Variants in COL19A1 observed in about 807,000 individuals in gnomAD.
COL19A1 encodes the protein collagen alpha-1(XIX) chain.
COL19A1 carries 159 observed loss-of-function variants against 190.2 expected under a neutral mutation model. The ratio of observed to expected loss-of-function variants is 0.84; its 90% CI spans 0.73 to 0.95. The LOEUF is 0.95. Ranked by LOEUF, COL19A1 falls within the 40% of genes least tolerant of loss-of-function variation. The pLI, the probability that COL19A1 is intolerant of heterozygous loss-of-function variation, is 0.00. For synonymous variants in COL19A1, 509 were observed against 458.9 expected, an observed-to-expected ratio of 1.11 and a Z score of -1.39; for missense variants, 1,418 against 1,431.9, an observed-to-expected ratio of 0.99 and a Z score of 0.16.
At chr6:70,090,762 C>T (rs1782872949) in intron 15 of COL19A1, among the ~76,000 whole-genome samples, 1 of 152,130 alleles carries the variant, frequency 6.6e-6, no homozygotes, top group Non-Finnish European at 1.5e-5. Context: ...CTCCTAACGG[C>T]TTCACATCAC....
At chr6:69,985,389 C>A (rs946486669) in intron 11 of COL19A1, among the ~76,000 whole-genome samples, 4 of 152,066 alleles carry the variant, frequency 2.6e-5, no homozygotes, top group African/African-American at 7.2e-5. Context: ...ATCCAGAGGT[C>A]TATGGTCCAG....
chr6:70,175,167 T>A (rs1038130332), intron 41 of COL19A1, among the ~76,000 whole-genome samples: 1 of 152,222 alleles, frequency 6.6e-6, no homozygotes, highest in East Asian at 1.9e-4. Context: ...GTTATTTTTT[T>A]CTTTTTGATG....
intron 48 of COL19A1, among the ~76,000 whole-genome samples, chr6:70,199,159 G>A (rs1767393087): frequency 6.6e-6 from 1 of 152,248 alleles, no homozygotes; most frequent in South Asian, 2.1e-4. Flanking sequence ...TCAAAACTAG[G>A]AGAATTAAAC....
intron 15 of COL19A1, among the ~76,000 whole-genome samples, chr6:70,071,754 G>T (rs1781570288): frequency 6.6e-6 from 1 of 152,010 alleles, no homozygotes; most frequent in Non-Finnish European, 1.5e-5. Context: ...TTGGGGGTTG[G>T]GGGCCTTCCT....
chr6:70,211,252 A>G lies in COL19A1; in HGVS notation c.*3978A>G, dbSNP rs622566. On this transcript the variant is annotated 3_prime_UTR_variant, in exon 51 of 51. Transcript: ENST00000620364. ...TTTTTTAAGTACCGTTTTTATTTTC[A>G]TAACACTAATAATACACTGGGATTG... is the stretch of plus-strand genomic sequence containing the variant. 0.33 allele frequency among the ~76,000 whole-genome samples: 50,184 copies of G among 151,908 alleles called. 8,510 individuals are homozygous for G. Among genetic ancestry groups the G allele is most frequent in the East Asian group, 0.43 (2,223 of 5,168 alleles).
chr6:70,077,926 G>A (rs535222614), intron 15 of COL19A1, among the ~76,000 whole-genome samples: 8 of 152,234 alleles, frequency 5.3e-5, no homozygotes, highest in African/African-American at 1.9e-4. Flanking sequence ...TACACCTTTT[G>A]TTCTGCCATA....
chr6:70,064,988 C>G (rs576808908), intron 14 of COL19A1, among the ~76,000 whole-genome samples: 1 of 152,182 alleles, frequency 6.6e-6, no homozygotes, highest in Non-Finnish European at 1.5e-5. Flanking sequence ...ACATTCAATG[C>G]TCATGGAGAG....
chr6:70,207,268 G>A lies in COL19A1; in HGVS notation c.3423G>A (p.Gly1141=). Residue 1141 remains glycine, a synonymous_variant, in exon 51 of 51, where the codon GGG becomes GGA. Coordinates refer to ENST00000620364, the MANE Select transcript of COL19A1 (RefSeq NM_001858.6). ...CTCATGCCCATCAGCGCACAGGTGG[G>A]AATTGAACACACCTGAAGAAGACTT... ...PVSHAHQRTG[G]N 1 of 1,612,120 alleles carries A rather than the reference G, an allele frequency of 6.2e-7. No homozygotes were observed.
At chr6:69,884,970 C>T (rs1049103259) in intron 2 of COL19A1, among the ~76,000 whole-genome samples, 1 of 151,838 alleles carries the variant, frequency 6.6e-6, no homozygotes, top group Non-Finnish European at 1.5e-5. Flanking sequence ...TCAAGCGATT[C>T]TCCTGCCTCA....
chr6:69,921,505 T>TTCATATATATTCATATAC (rs1771912051), intron 4 of COL19A1, among the ~76,000 whole-genome samples: 1 of 108,868 alleles, frequency 9.2e-6, no homozygotes, highest in South Asian at 2.7e-4. Flanking sequence ...TATTCATATA[T>TTCATATATATTCATATAC]ATTCATATGT....
intron 16 of COL19A1, among the ~76,000 whole-genome samples, chr6:70,114,337 A>ATTT (rs1257082326): frequency 1.7e-4 from 26 of 152,288 alleles, no homozygotes; most frequent in African/African-American, 6.0e-4. Context: ...GTTTAGGGGA[A>ATTT]AGAGTTAAAA....
Position 70,156,170 on chromosome 6 carries a change from G to T in COL19A1, c.2123G>T (p.Ser708Ile), listed in dbSNP as rs1277992716. ...CAAGCCAGTGTCCCAGGGCTGAAAA[G>T]CAACAAAGGAGAAGAAGGAGGTGCT... ...NCQASVPGLK[S>I]NKGEEGGAGE... is the part of the protein sequence containing the mutation. The change falls in exon 32 of 51, where the codon AGC becomes ATC. Residue 708 changes from serine to isoleucine, a missense_variant. Coordinates refer to ENST00000620364, the MANE Select transcript of COL19A1 (RefSeq NM_001858.6). The T allele has an allele frequency of 6.2e-7, 1 of 1,613,230 alleles. No individual in the cohort carries two copies. Among genetic ancestry groups the T allele is most frequent in the South Asian group, 1.1e-5 (1 of 91,070 alleles).
chr6:70,157,631 T>A (rs1166050198), intron 34 of COL19A1, among the ~76,000 whole-genome samples: 1 of 152,118 alleles, frequency 6.6e-6, no homozygotes, highest in African/African-American at 2.4e-5. Context: ...AGGTTTGATT[T>A]TTTCCCAAGT....
At chr6:69,917,307 A>G (rs1771368253) in intron 4 of COL19A1, among the ~76,000 whole-genome samples, 1 of 152,120 alleles carries the variant, frequency 6.6e-6, no homozygotes, top group Admixed American at 6.5e-5. Flanking sequence ...GATGAATGTG[A>G]TATAGCACAG....
intron 2 of COL19A1, 142 bp downstream of exon 2, chr6:69,879,800 G>T: frequency 1.3e-6 from 1 of 749,766 alleles, no homozygotes; most frequent in South Asian, 2.0e-5. Flanking sequence ...TTCTTCCATT[G>T]ATCTTCCCAT....
intron 4 of COL19A1, among the ~76,000 whole-genome samples, chr6:69,917,688 C>A (rs893573511): frequency 1.3e-5 from 2 of 152,128 alleles, no homozygotes; most frequent in African/African-American, 4.8e-5. Context: ...GATATTTGAG[C>A]TGAGACCTGA....
intron 14 of COL19A1, among the ~76,000 whole-genome samples, chr6:70,047,636 C>T (rs1779982162): frequency 6.6e-6 from 1 of 151,974 alleles, no homozygotes; most frequent in Admixed American, 6.6e-5. Context: ...TTGTTAAAAC[C>T]TTAATTTTAT....
Position 70,125,507 on chromosome 6 carries a change from A to T in COL19A1, c.1341+3565A>T, listed in dbSNP as rs1785142474. On this transcript the variant is annotated intron_variant, in intron 17 of 50. Transcript: ENST00000620364. ...GATCTTTTCCTCTGCTATTTTCCTT[A>T]TGTCATCTGGAGGGAGAAGCTCAGG... Among the ~76,000 whole-genome samples the T allele has an allele frequency of 2.0e-5, 3 of 151,962 alleles. No homozygotes were observed. The East Asian group carries it at 5.8e-4, about 29-fold the overall frequency.
In COL19A1 at chr6:69,927,921, C is replaced by A; in HGVS notation, c.279C>A (p.Pro93=). The stretch of plus-strand genomic sequence containing the variant: ...TTTCCTCCCACAGTAAGATATTTCC[C>A]AAAGGCCTTCCTGAGGAGTACTCAG... The part of the protein sequence containing the change: ...LLIRDTIKIF[P]KGLPEEYSVA... The change falls in exon 5 of 51, where the codon CCC becomes CCA. Residue 93 remains proline (P), a synonymous_variant. Transcript: ENST00000620364. 1 of 1,609,786 alleles carries A rather than the reference C, an allele frequency of 6.2e-7. No homozygotes were observed. Among genetic ancestry groups the A allele is most frequent in the Non-Finnish European group, 8.5e-7 (1 of 1,177,476 alleles).
Sources: allele counts gnomAD v4.1 joint callset (sites outside exome capture counted in the v4.1 genomes callset), GRCh38; gene constraint gnomAD v4.1.1; transcripts MANE v1.5; gene names NCBI Gene and HGNC (gene_info 2026-07-23, HGNC 2026-07-21).